C1QTNF3: variants seen among roughly 807,000 people sequenced by gnomAD.
C1QTNF3 encodes C1q and TNF related 3, also known as complement C1q tumor necrosis factor-related protein 3.
A neutral mutation model predicts 32.6 loss-of-function variants in C1QTNF3; 26 were observed. The ratio of observed to expected loss-of-function variants is 0.80; its 90% CI spans 0.58 to 1.11. The LOEUF (loss-of-function observed/expected upper bound fraction) is 1.11, where lower values mean the gene tolerates loss of function less well. Ranked by LOEUF, C1QTNF3 falls within the 50% of genes least tolerant of loss-of-function variation. The pLI is 0.00. For synonymous variants in C1QTNF3, 155 were observed against 146.0 expected, an observed-to-expected ratio of 1.06 and a Z score of -0.44; for missense variants, 362 against 398.2, an observed-to-expected ratio of 0.91 and a Z score of 0.77.
the C1QTNF3 span, among the ~76,000 whole-genome samples, chr5:34,210,340 ACTACT>A: frequency 5.3e-5 from 8 of 152,068 alleles, no homozygotes; most frequent in Non-Finnish European, 1.0e-4. Context: ...ATATCAATTG[ACTACT>A]CTCTTTAGAA....
the C1QTNF3 span, among the ~76,000 whole-genome samples, chr5:34,157,886 G>A: frequency 1.8e-3 from 269 of 152,090 alleles, 1 homozygote; most frequent in African/African-American, 6.2e-3. Flanking sequence ...CCAAGTTTGT[G>A]GTAATTCAAT....
chr5:34,021,329 G>T (rs1754322692), intron 5 of C1QTNF3, among the ~76,000 whole-genome samples: 1 of 152,230 alleles, frequency 6.6e-6, no homozygotes. Context: ...TGATAACTTG[G>T]AAGACAGATC....
chr5:34,099,932 A>T, the C1QTNF3 span, among the ~76,000 whole-genome samples: 1 of 151,082 alleles, frequency 6.6e-6, no homozygotes, highest in African/African-American at 2.4e-5. Context: ...CGATATGATA[A>T]CTAAAAGCAC....
At chr5:34,043,404 C>T (rs145303958), upstream of C1QTNF3, 13 of 440,938 alleles carry the variant, frequency 2.9e-5, no homozygotes, top group African/African-American at 5.9e-5. Context: ...CACCTTGGCA[C>T]GTTTCTGTTG....
chr5:34,105,521 C>T, the C1QTNF3 span, among the ~76,000 whole-genome samples: 3 of 151,748 alleles, frequency 2.0e-5, no homozygotes, highest in Non-Finnish European at 4.4e-5. Context: ...GATTAATTTC[C>T]ACAAGAAAGT....
At chr5:34,179,999 C>T in the C1QTNF3 span, among the ~76,000 whole-genome samples, 2 of 151,850 alleles carry the variant, frequency 1.3e-5, no homozygotes, top group Admixed American at 1.3e-4. Flanking sequence ...TACTTGAGAC[C>T]AGGTGCTTGA....
At chr5:34,220,343 G>GT in the C1QTNF3 span, among the ~76,000 whole-genome samples, 1 of 152,024 alleles carries the variant, frequency 6.6e-6, no homozygotes, top group African/African-American at 2.4e-5. Flanking sequence ...CCATTTTATT[G>GT]TAAGACTATT....
At chr5:34,056,479 T>TATATAGAGAG in the C1QTNF3 span, among the ~76,000 whole-genome samples, 3 of 51,772 alleles carry the variant, frequency 5.8e-5, no homozygotes, top group East Asian at 7.1e-4. Flanking sequence ...TATATATATA[T>TATATAGAGAG]AGAGAGAGAG....
chr5:34,182,095 C>T, the C1QTNF3 span, among the ~76,000 whole-genome samples: 1 of 152,312 alleles, frequency 6.6e-6, no homozygotes, highest in African/African-American at 2.4e-5. Flanking sequence ...TCTCAATTCA[C>T]CGCAGCCCCT....
At chr5:34,122,855 A>G in the C1QTNF3 span, among the ~76,000 whole-genome samples, 1 of 150,258 alleles carries the variant, frequency 6.7e-6, no homozygotes, top group South Asian at 2.2e-4. Flanking sequence ...ATGACCCTGA[A>G]GGCATTTTAG....
the C1QTNF3 span, among the ~76,000 whole-genome samples, chr5:34,231,623 G>T: frequency 6.6e-6 from 1 of 152,218 alleles, no homozygotes; most frequent in Admixed American, 6.5e-5. Flanking sequence ...TTGCTTCAGA[G>T]AATACAAGCC....
chr5:34,093,860 C>T, the C1QTNF3 span, among the ~76,000 whole-genome samples: 2 of 152,162 alleles, frequency 1.3e-5, no homozygotes, highest in East Asian at 1.9e-4. Flanking sequence ...GGGAACTCTC[C>T]GACCTTCGGG....
the C1QTNF3 span, among the ~76,000 whole-genome samples, chr5:34,178,110 A>G: frequency 4.1e-5 from 6 of 145,378 alleles, no homozygotes; most frequent in South Asian, 4.3e-4. Context: ...CTACTAAAAA[A>G]AAAAAAAAAA....
chr5:34,147,543 A>G, the C1QTNF3 span, among the ~76,000 whole-genome samples: 107 of 152,250 alleles, frequency 7.0e-4, no homozygotes, highest in Non-Finnish European at 9.6e-4. Flanking sequence ...TGGTCATAAT[A>G]CTAAGCAAAT....
At chr5:34,034,207 C>G (rs1458951260) in intron 2 of C1QTNF3, among the ~76,000 whole-genome samples, 4 of 152,088 alleles carry the variant, frequency 2.6e-5, no homozygotes. Flanking sequence ...TAACATGATA[C>G]TATCTTTGTT....
chr5:34,147,495 C>T, the C1QTNF3 span, among the ~76,000 whole-genome samples: 7 of 152,122 alleles, frequency 4.6e-5, no homozygotes, highest in Non-Finnish European at 1.0e-4. Flanking sequence ...GAAAAAAGAA[C>T]GAAATCAGGT....
chr5:34,103,269 ATTATTT>A, the C1QTNF3 span, among the ~76,000 whole-genome samples: 4 of 151,948 alleles, frequency 2.6e-5, no homozygotes, highest in Admixed American at 2.6e-4. Context: ...TAATTTTTAA[ATTATTT>A]GTGTGTGTTT....
At chr5:34,233,837 A>C in the C1QTNF3 span, among the ~76,000 whole-genome samples, 3 of 152,136 alleles carry the variant, frequency 2.0e-5, no homozygotes, top group Non-Finnish European at 4.4e-5. Flanking sequence ...CTGAATGAAC[A>C]TTAAAGAAAT....
At chr5:34,130,276 T>G in the C1QTNF3 span, among the ~76,000 whole-genome samples, 4 of 152,170 alleles carry the variant, frequency 2.6e-5, no homozygotes, top group African/African-American at 9.7e-5. Context: ...GGAGTCATTT[T>G]TTTCTATTGA....
Sources: allele counts gnomAD v4.1 joint callset (sites outside exome capture counted in the v4.1 genomes callset), GRCh38; gene constraint gnomAD v4.1.1; transcripts MANE v1.5; gene names NCBI Gene and HGNC (gene_info 2026-07-23, HGNC 2026-07-21).